Variants in SESN3 observed in about 807,000 individuals in gnomAD.
SESN3 encodes the protein sestrin-3.
SESN3 carries 21 observed loss-of-function variants against 55.3 expected under a neutral mutation model. The ratio of observed to expected loss-of-function variants is 0.38; its 90% CI spans 0.27 to 0.55. The LOEUF (loss-of-function observed/expected upper bound fraction) is 0.55. SESN3 is among the 20% of genes least tolerant of loss of function. The pLI is 0.76. For missense variants in SESN3, 408 were observed against 604.3 expected (o/e 0.68, Z 3.41); for synonymous variants, 181 against 203.1 (o/e 0.89, Z 0.93).
At chr11:95,197,655 C>T (rs1038534522) in intron 1 of SESN3, among the ~76,000 whole-genome samples, 5 of 152,066 alleles carry the variant, frequency 3.3e-5, no homozygotes, top group African/African-American at 1.2e-4. Context: ...ATGTTCCTTG[C>T]AACTCCTTCC....
At chr11:95,201,767 A>G (rs983921701) in intron 1 of SESN3, among the ~76,000 whole-genome samples, 10 of 152,118 alleles carry the variant, frequency 6.6e-5, no homozygotes, top group Non-Finnish European at 1.2e-4. Flanking sequence ...ATTCATGTCC[A>G]GTGTCACCCA....
At position 95,169,258 on chromosome 11, in the gene SESN3, T is replaced by C. The variant is rs1008481587; in HGVS notation, c.*3997A>G. The C allele has an allele frequency of 1.3e-5, 2 of 152,184 alleles. No individual in the cohort carries two copies. Among genetic ancestry groups the C allele is most frequent in the Non-Finnish European group, 2.9e-5 (2 of 68,034 alleles). 9.4% of individuals were successfully genotyped at this position (152,184 alleles called of 1,614,324 possible). On this transcript the variant is annotated 3_prime_UTR_variant, in exon 10 of 10. Coordinates refer to ENST00000536441, the MANE Select transcript of SESN3 (RefSeq NM_144665.4). ...AGACTATTTAATTTGATTCTCAGTC[T>C]CCAGAGGGATATAATAGGGAAACAC... is the stretch of plus-strand genomic sequence containing the variant.
At chr11:95,185,626 AC>A in intron 4 of SESN3, 134 bp from the exon 5 acceptor site, 1 of 641,602 alleles carries the variant, frequency 1.6e-6, no homozygotes, top group Non-Finnish European at 2.7e-6. Context: ...AAAATGTTTC[AC>A]ATGTTAAAGA....
chr11:95,180,346 T>G (rs1860037415), intron 6 of SESN3, among the ~76,000 whole-genome samples: 1 of 152,200 alleles, frequency 6.6e-6, no homozygotes, highest in Non-Finnish European at 1.5e-5. Flanking sequence ...TGCTATTGCA[T>G]GAACATCCTA....
chr11:95,178,578 C>A (rs1021802540), intron 7 of SESN3, 132 bp downstream of exon 7: 45 of 624,542 alleles, frequency 7.2e-5, no homozygotes, highest in Non-Finnish European at 1.2e-4. Flanking sequence ...TTAGATTAGG[C>A]TGAAACTAGG....
At chr11:95,209,306 A>G (rs1860606273) in intron 1 of SESN3, among the ~76,000 whole-genome samples, 1 of 149,998 alleles carries the variant, frequency 6.7e-6, no homozygotes, top group Non-Finnish European at 1.5e-5. Context: ...GTCAACAAAC[A>G]TATGAAAAAA....
chr11:95,212,139 C>T (rs977469824), intron 1 of SESN3, among the ~76,000 whole-genome samples: 13 of 151,980 alleles, frequency 8.6e-5, no homozygotes, highest in African/African-American at 3.1e-4. Flanking sequence ...AACCACATAC[C>T]TAAGCCTTAA....
chr11:95,169,429 CATT>C lies in SESN3; in HGVS notation c.*3823_*3825del, dbSNP rs1212961190. The C allele has an allele frequency of 1.3e-5, 2 of 152,136 alleles. No homozygotes were observed. The highest frequency in any genetic ancestry group is 1.3e-4 in the Admixed American group (2 of 15,268). 9.4% of individuals were successfully genotyped at this position (152,136 alleles called of 1,614,324 possible). A position where few individuals can be genotyped will look rare whatever the true frequency, so the allele number is the denominator to read the frequency against. On this transcript the variant is annotated 3_prime_UTR_variant, in exon 10 of 10. Transcript: ENST00000536441. ...TGTGATATACTATTTACATAACAAA[CATT>C]ATTGTTATGTACTGTTTAGTCCATG... is the stretch of plus-strand genomic sequence containing the variant.
intron 1 of SESN3, among the ~76,000 whole-genome samples, chr11:95,216,758 A>G (rs1040117941): frequency 2.6e-5 from 4 of 151,754 alleles, no homozygotes; most frequent in African/African-American, 9.7e-5. Context: ...AGGAGGCAAG[A>G]TAAAAAAAAA....
intron 1 of SESN3, among the ~76,000 whole-genome samples, chr11:95,219,342 C>T (rs1320381507): frequency 2.6e-5 from 4 of 151,838 alleles, no homozygotes; most frequent in African/African-American, 9.7e-5. Context: ...TTTTTCTTTA[C>T]TGGAGCACAT....
At position 95,177,807 on chromosome 11, in the gene SESN3, A is replaced by C; in HGVS notation, c.1159T>G (p.Tyr387Asp). Residue 387 changes from tyrosine (Y) to aspartate (D), a missense_variant, in exon 8 of 10, where the codon TAT becomes GAT. Tyr to Asp is a radical substitution (Grantham distance 160, BLOSUM62 -3). This residue lies in a region of SESN3 where 121 missense variants were observed against 204.9 expected (regional missense o/e 0.59). Transcript: ENST00000536441. ...EKFRMVYNLT[Y>D]NTMATHEDVD... is the part of the protein sequence containing the mutation. ...TCCTCATGGGTGGCCATAGTGTTATATGTGAGATTGTAGACCATCCGAAAC... is the reference window on the plus strand; with the variant it reads ...TCCTCATGGGTGGCCATAGTGTTATCTGTGAGATTGTAGACCATCCGAAAC... The C allele has an allele frequency of 6.2e-7, 1 of 1,608,858 alleles. No individual in the cohort carries two copies. The highest frequency in any genetic ancestry group is 8.5e-7 in the Non-Finnish European group (1 of 1,178,436).
intron 1 of SESN3, among the ~76,000 whole-genome samples, chr11:95,207,434 T>C (rs1296243593): frequency 6.6e-6 from 1 of 151,484 alleles, no homozygotes; most frequent in Non-Finnish European, 1.5e-5. Context: ...GCTTTGATCA[T>C]TTTTCAAGGA....
Position 95,184,604 on chromosome 11 carries a change from G to GA in SESN3, c.763-11dup, listed in dbSNP as rs765235538. ...TTAGAGAATCCACAATCTGGAAACA[G>GA]ATAAGATAATGTTGGGTGCTATTCA... On this transcript the variant is annotated splice_polypyrimidine_tract_variant and intron_variant, in intron 5 of 9. Transcript: ENST00000536441. 11 of 1,609,690 alleles carry GA rather than the reference G, an allele frequency of 6.8e-6. No homozygotes were observed. The highest frequency in any genetic ancestry group is 9.3e-6 in the Non-Finnish European group (11 of 1,178,366).
rs771300301 is a variant in SESN3, at chr11:95,230,819, G to A, written c.42C>T (p.Tyr14=). The A allele has an allele frequency of 1.4e-5, 23 of 1,588,858 alleles. No individual in the cohort carries two copies. Among genetic ancestry groups the A allele is most frequent in the Middle Eastern group, 3.4e-4 (2 of 5,894 alleles). The change falls in exon 1 of 10, where the codon TAC becomes TAT. Residue 14 remains tyrosine, a synonymous_variant. Coordinates refer to ENST00000536441, the MANE Select transcript of SESN3 (RefSeq NM_144665.4). The surrounding 1 kb of genome is among the most constrained non-coding windows in gnomAD (Gnocchi z 4.6). ...GGGSPSAAAN[Y]LLCTNCRKVL... ...CTTTCCGGCAGTTGGTACAGAGCAG[G>A]TAGTTGGCGGCGGCCGACGGGCTGC...
chr11:95,206,424 A>C (rs1375020504), intron 1 of SESN3, among the ~76,000 whole-genome samples: 1 of 151,746 alleles, frequency 6.6e-6, no homozygotes, highest in Non-Finnish European at 1.5e-5. Context: ...AATTTAATAG[A>C]GTTACTTCAT....
intron 1 of SESN3, among the ~76,000 whole-genome samples, chr11:95,207,839 T>C (rs572326236): frequency 6.6e-6 from 1 of 151,268 alleles, no homozygotes; most frequent in South Asian, 2.1e-4. Flanking sequence ...TTGTTTTGTT[T>C]TGTTTTGTTT....
chr11:95,202,034 C>T (rs1420906946), intron 1 of SESN3, among the ~76,000 whole-genome samples: 2 of 152,022 alleles, frequency 1.3e-5, no homozygotes, highest in African/African-American at 2.4e-5. Context: ...CTTTGGTCTT[C>T]CTTCTCTCCT....
Position 95,230,786 on chromosome 11 carries a change from C to A in SESN3, c.75G>T (p.Arg25=). Residue 25 remains arginine, a synonymous_variant, in exon 1 of 10, where the codon CGG becomes CGT. Transcript: ENST00000536441. The surrounding 1 kb of genome is among the most constrained non-coding windows in gnomAD (Gnocchi z 4.6). ...GGACCCCGGGCCGAACCCGTACCTT[C>A]CGCAGCACTTTCCGGCAGTTGGTAC... ...LLCTNCRKVL[R]KDKRIRVSQP... The A allele has an allele frequency of 6.2e-7, 1 of 1,606,932 alleles. No individual in the cohort carries two copies. Among genetic ancestry groups the A allele is most frequent in the East Asian group, 2.3e-5 (1 of 44,094 alleles).
rs550025537 is a variant in SESN3 at position 95,175,427 on chromosome 11, AT to A, written c.1392+70del. On this transcript the variant is annotated intron_variant, in intron 9 of 9. Transcript: ENST00000536441. ...TAATTTATTAATACTTTCATGTGTCATTTTTCATAACTATTACTTCTTGTAC... is the reference window on the plus strand; with the variant it reads ...TAATTTATTAATACTTTCATGTGTCATTTTCATAACTATTACTTCTTGTAC... 5.1e-3 allele frequency: 6,547 copies of A among 1,285,456 alleles called. 25 individuals are homozygous for A. The highest frequency in any genetic ancestry group is 6.5e-3 in the Non-Finnish European group (6,003 of 920,462). 79.6% of individuals were successfully genotyped at this position (1,285,456 alleles called of 1,614,324 possible).
Sources: allele counts gnomAD v4.1 joint callset (sites outside exome capture counted in the v4.1 genomes callset), GRCh38; gene constraint gnomAD v4.1.1; regional missense constraint gnomAD v4.1.1; non-coding constraint Gnocchi (gnomAD v3.1); transcripts MANE v1.5; gene names NCBI Gene and HGNC (gene_info 2026-07-23, HGNC 2026-07-21).